The following TIAM2 variants were observed in gnomAD, a reference collection of about 807,000 sequenced individuals.
The protein encoded by TIAM2 is TIAM Rac1 associated GEF 2.
A neutral mutation model predicts 152.9 loss-of-function variants in TIAM2; 80 were observed. The observed-to-expected ratio is 0.52, with a 90% CI of 0.44 to 0.63. The LOEUF is 0.63. TIAM2 is among the 30% of genes least tolerant of loss of function. The probability of loss-of-function intolerance (pLI) is 0.00; values close to 1 mark genes in which losing one functional copy is unlikely to be tolerated. For missense variants in TIAM2, 1,965 were observed against 2,120.1 expected, an observed-to-expected ratio of 0.93 and a Z score of 1.44; for synonymous variants, 804 against 838.0, an observed-to-expected ratio of 0.96 and a Z score of 0.70.
intron 14 of TIAM2, among the ~76,000 whole-genome samples, chr6:155,196,477 C>T (rs1781349852): frequency 6.6e-6 from 1 of 152,072 alleles, no homozygotes; most frequent in African/African-American, 2.4e-5. Context: ...GGTCTTTCCT[C>T]TAGATTGGAT....
rs187913489 is a variant in TIAM2, at chr6:155,090,843, C to T, written c.-118+464C>T. On this transcript the variant is annotated intron_variant, in intron 2 of 26. Transcript: ENST00000682666. ...CTCAGGGGACGGGGATTTTAGGAAG[C>T]CACTGAGGAAAGGTCAGATTCCAAC... is the stretch of plus-strand genomic sequence containing the variant. Among the ~76,000 whole-genome samples, 38 of 152,128 alleles carry T rather than the reference C, an allele frequency of 2.5e-4. 1 individual carries two copies. The East Asian group carries it at 6.8e-3, about 27-fold the overall frequency.
At chr6:155,018,310 GCT>G (rs777004175) in intron 1 of TIAM2, among the ~76,000 whole-genome samples, 6 of 84,474 alleles carry the variant, frequency 7.1e-5, no homozygotes, top group Non-Finnish European at 1.6e-4. Context: ...AATTTCACTT[GCT>G]TCTTATTTTT....
chr6:155,059,321 T>TGCGCGC (rs1554227485), intron 1 of TIAM2, among the ~76,000 whole-genome samples: 7 of 117,376 alleles, frequency 6.0e-5, no homozygotes, highest in African/African-American at 2.0e-4. Context: ...TGTGTGTGTG[T>TGCGCGC]GTGTGCGCGT....
At chr6:155,088,222 T>C (rs1778218619) in intron 1 of TIAM2, among the ~76,000 whole-genome samples, 1 of 151,706 alleles carries the variant, frequency 6.6e-6, no homozygotes, top group South Asian at 2.1e-4. Context: ...GCCCGGCTAA[T>C]GTTTTGTATT....
At chr6:155,047,328 C>T (rs781128328) in intron 1 of TIAM2, among the ~76,000 whole-genome samples, 11 of 151,980 alleles carry the variant, frequency 7.2e-5, no homozygotes, top group African/African-American at 1.2e-4. Flanking sequence ...ACAGGCTGCG[C>T]GCCACCACAC....
chr6:155,159,190 G>A (rs1444853067), intron 7 of TIAM2, among the ~76,000 whole-genome samples: 2 of 152,126 alleles, frequency 1.3e-5, no homozygotes, highest in African/African-American at 2.4e-5. Flanking sequence ...TGTCAAGGCT[G>A]GTAGGATATT....
chr6:155,184,134 G>A (rs993251447), intron 14 of TIAM2, among the ~76,000 whole-genome samples: 3 of 151,978 alleles, frequency 2.0e-5, no homozygotes, highest in African/African-American at 7.3e-5. Context: ...GACTACAAAC[G>A]TGTACCACCA....
At chr6:155,042,166 G>A (rs1449980797) in intron 1 of TIAM2, among the ~76,000 whole-genome samples, 1 of 151,898 alleles carries the variant, frequency 6.6e-6, no homozygotes, top group Admixed American at 6.6e-5. Flanking sequence ...GCTGCCTCAG[G>A]TGTCATAATC....
At chr6:155,032,007 C>T (rs1042251758) in intron 1 of TIAM2, among the ~76,000 whole-genome samples, 1 of 152,132 alleles carries the variant, frequency 6.6e-6, no homozygotes, top group Non-Finnish European at 1.5e-5. Context: ...AAGAAATTTA[C>T]AGTTCCTGTA....
intron 1 of TIAM2, among the ~76,000 whole-genome samples, chr6:155,053,351 C>T (rs111243319): frequency 0.016 from 2,476 of 152,090 alleles, 68 homozygotes; most frequent in African/African-American, 0.057. Context: ...GTTTTTGTCT[C>T]GTCACGTTGC....
At chr6:155,009,952 A>G (rs1778459965) in intron 1 of TIAM2, among the ~76,000 whole-genome samples, 1 of 151,900 alleles carries the variant, frequency 6.6e-6, no homozygotes, top group Non-Finnish European at 1.5e-5. Context: ...TCCTGGGTTC[A>G]AGTCATTCTC....
At chr6:155,241,546 A>C (rs140221537) in intron 16 of TIAM2, among the ~76,000 whole-genome samples, 2 of 152,186 alleles carry the variant, frequency 1.3e-5, no homozygotes, top group Non-Finnish European at 2.9e-5. Context: ...TGGGTCCATG[A>C]ATTAAGGCTT....
intron 1 of TIAM2, among the ~76,000 whole-genome samples, chr6:155,006,522 C>G (rs117050168): frequency 0.013 from 2,006 of 151,530 alleles, 28 homozygotes; most frequent in Middle Eastern, 0.061. Flanking sequence ...CAAAAATTAC[C>G]GGGTGTGGTG....
rs189714564 is a variant in TIAM2, at chr6:155,108,433, C to T, written c.-118+18054C>T. 2.8e-3 allele frequency among the ~76,000 whole-genome samples: 422 copies of T among 152,322 alleles called. 2 individuals are homozygous for T. The highest frequency in any genetic ancestry group is 9.4e-3 in the African/African-American group (391 of 41,568). Reference sequence around the variant, plus strand: ...ACAGTGCACTGACCGCCGCCTTCTCCGGTCACATTAACACTTGTCACCTAC... The same window carrying T: ...ACAGTGCACTGACCGCCGCCTTCTCTGGTCACATTAACACTTGTCACCTAC... On this transcript the variant is annotated intron_variant, in intron 2 of 26. Coordinates refer to ENST00000682666, the MANE Select transcript of TIAM2 (RefSeq NM_012454.4).
intron 7 of TIAM2, among the ~76,000 whole-genome samples, chr6:155,162,879 CTG>C (rs1253898647): frequency 6.6e-6 from 1 of 152,184 alleles, no homozygotes; most frequent in Middle Eastern, 3.2e-3. Flanking sequence ...TGGAATGTCA[CTG>C]TTTTGCTGAC....
chr6:155,063,797 A>AG (rs1777636511), intron 1 of TIAM2, among the ~76,000 whole-genome samples: 1 of 151,746 alleles, frequency 6.6e-6, no homozygotes, highest in Non-Finnish European at 1.5e-5. Context: ...AAAAAAAAAA[A>AG]AAAAAGTTAT....
Position 155,109,387 on chromosome 6 carries a change from G to A in TIAM2, c.-117-18103G>A, listed in dbSNP as rs942915715. Reference sequence around the variant, plus strand: ...TCTTTTTTGTTTTGAAATTAAGTGTGCCTTCTACATGAAGGTAATAACAGC... The same window carrying A: ...TCTTTTTTGTTTTGAAATTAAGTGTACCTTCTACATGAAGGTAATAACAGC... On this transcript the variant is annotated intron_variant, in intron 2 of 26. Transcript: ENST00000682666. Among the ~76,000 whole-genome samples the A allele has an allele frequency of 7.2e-5, 11 of 152,254 alleles. No homozygotes were observed. The East Asian group carries it at 1.9e-3, about 27-fold the overall frequency.
chr6:155,126,679 C>T (rs1396274104), intron 2 of TIAM2, among the ~76,000 whole-genome samples: 3 of 151,874 alleles, frequency 2.0e-5, no homozygotes, highest in Admixed American at 1.3e-4. Flanking sequence ...TGCAGTGAGC[C>T]GAGATTGTGC....
In TIAM2 at chr6:155,256,928, A is replaced by G; in HGVS notation, c.4913A>G (p.Lys1638Arg). The change falls in exon 27 of 27, where the codon AAA (lysine) becomes AGA (arginine). Residue 1638 changes from lysine to arginine, a missense_variant. Coordinates refer to ENST00000682666, the MANE Select transcript of TIAM2 (RefSeq NM_012454.4). ...VRGHFCPIKR[K>R]ANSTKRDRGT... is the part of the protein sequence containing the mutation. ...GGGCACTTCTGCCCCATTAAACGAA[A>G]AGCCAACAGCACCAAGAGGGACAGA... 1 of 1,614,178 alleles carries G rather than the reference A, an allele frequency of 6.2e-7. No individual in the cohort carries two copies. The highest frequency in any genetic ancestry group is 8.5e-7 in the Non-Finnish European group (1 of 1,180,034).
Sources: gnomAD v4.1 joint callset for allele counts (sites outside exome capture counted in the v4.1 genomes callset) on GRCh38, gnomAD v4.1.1 for gene constraint, MANE v1.5 for transcripts, NCBI Gene and HGNC (gene_info 2026-07-23, HGNC 2026-07-21) for gene names.